Variants in MTOR observed in about 807,000 individuals in gnomAD.
The protein encoded by MTOR is serine/threonine-protein kinase mTOR.
A neutral mutation model predicts 319.8 loss-of-function variants in MTOR; 70 were observed. That is an observed-to-expected ratio of 0.22 (90% CI 0.18 to 0.27). The LOEUF (loss-of-function observed/expected upper bound fraction) is 0.27. MTOR is among the 10% of genes least tolerant of loss of function. The probability of loss-of-function intolerance (pLI) is 1.00; values close to 1 mark genes in which losing one functional copy is unlikely to be tolerated. For synonymous variants in MTOR, 1,183 were observed against 1,211.4 expected (o/e 0.98, Z 0.49); for missense variants, 1,890 against 3,274.4 (o/e 0.58, Z 10.32).
chr1:11,250,537 C>A (rs188585064), intron 6 of MTOR, among the ~76,000 whole-genome samples: 26 of 152,292 alleles, frequency 1.7e-4, no homozygotes, highest in Non-Finnish European at 3.4e-4. Context: ...CCTGGCTGTT[C>A]CTTCCCCATC....
intron 28 of MTOR, among the ~76,000 whole-genome samples, chr1:11,191,147 A>G (rs1245766614): frequency 6.6e-6 from 1 of 152,154 alleles, no homozygotes; most frequent in African/African-American, 2.4e-5. Flanking sequence ...AGGCTTTCTC[A>G]CCATCCTGCA....
intron 6 of MTOR, among the ~76,000 whole-genome samples, chr1:11,252,669 C>T (rs1649849223): frequency 6.6e-6 from 1 of 152,152 alleles, no homozygotes; most frequent in Non-Finnish European, 1.5e-5. Context: ...TGCGCTGCTC[C>T]CACATCTGGG....
chr1:11,204,515 C>T (rs375127428), intron 26 of MTOR, 46 bp downstream of exon 26: 74 of 1,564,236 alleles, frequency 4.7e-5, no homozygotes, highest in Non-Finnish European at 6.2e-5. Flanking sequence ...TTGTATATAT[C>T]GTTTTCTATG....
At position 11,133,293 on chromosome 1, in the gene MTOR, G is replaced by T; in HGVS notation, c.5247-96C>A. ...GTTAGGGGACACTGAAGCCCTTCTG[G>T]TATTTCCTCTTATTCTCAAGAGGCA... On this transcript the variant is annotated intron_variant, in intron 37 of 57. Transcript: ENST00000361445. This position sits in a 1 kb window ranked among gnomAD's most constrained non-coding sequence, Gnocchi z 4.0. 1.8e-6 allele frequency: 2 copies of T among 1,082,818 alleles called. No homozygotes were observed. The highest frequency in any genetic ancestry group is 2.8e-6 in the Non-Finnish European group (2 of 719,334). 67.1% of individuals were successfully genotyped at this position (1,082,818 alleles called of 1,614,324 possible).
intron 3 of MTOR, 125 bp from the exon 4 acceptor site, chr1:11,257,290 C>T: frequency 3.9e-6 from 3 of 766,228 alleles, no homozygotes; most frequent in Non-Finnish European, 6.4e-6. Flanking sequence ...AATCCTAGCA[C>T]TTTGGGAGGC....
rs775363202 is a variant in MTOR at position 11,139,295 on chromosome 1, G to T, written c.5130+9C>A. The T allele has an allele frequency of 1.2e-6, 2 of 1,600,644 alleles. No individual in the cohort carries two copies. The highest frequency in any genetic ancestry group is 1.7e-6 in the Non-Finnish European group (2 of 1,176,650). On this transcript the variant is annotated intron_variant, in intron 36 of 57. Coordinates refer to ENST00000361445, the MANE Select transcript of MTOR (RefSeq NM_004958.4). ...AGGTGGTCTGTTCTGGATGCATTGGGATACAGACCTTGCGGGCACTCTTCC... is the reference window on the plus strand; with the variant it reads ...AGGTGGTCTGTTCTGGATGCATTGGTATACAGACCTTGCGGGCACTCTTCC...
chr1:11,248,062 CTG>C lies in MTOR; in HGVS notation c.871_872del (p.Gln291AlafsTer62). 6.2e-7 allele frequency: 1 copy of C among 1,611,364 alleles called. No homozygotes were observed. Among genetic ancestry groups the C allele is most frequent in the Non-Finnish European group, 8.5e-7 (1 of 1,178,206 alleles). ...AGTACTTGTCGTGTACCAGCTGCTGCTGTGTGATTTCTTCCATTTCTTCTCTC... is the reference window on the plus strand; with the variant it reads ...AGTACTTGTCGTGTACCAGCTGCTGCTGTGATTTCTTCCATTTCTTCTCTC... Reference protein sequence around the residue: ...RLREEMEEITQQQLVHDKYCK... With the variant: ...RLREEMEEITXQQLVHDKYCK... On this transcript the variant is annotated frameshift_variant, in exon 7 of 58. Coordinates refer to ENST00000361445, the MANE Select transcript of MTOR (RefSeq NM_004958.4). LOFTEE classifies it high-confidence loss of function.
rs375346615 is a variant in MTOR, at chr1:11,134,334, G to C, written c.5246+17C>G. The C allele has an allele frequency of 1.2e-4, 188 of 1,610,294 alleles. No homozygotes were observed. The African/African-American group carries it at 1.5e-3, about 13-fold the overall frequency. On this transcript the variant is annotated intron_variant, in intron 37 of 57. Transcript: ENST00000361445. ...AGGGCTGGAATATGACTTGCCCCAG[G>C]TCAGTGGGGACCTCACCGGGCCATG...
At chr1:11,251,088 G>C (rs1035249042) in intron 6 of MTOR, among the ~76,000 whole-genome samples, 4 of 152,124 alleles carry the variant, frequency 2.6e-5, no homozygotes, top group African/African-American at 9.7e-5. Flanking sequence ...TGAAATATGA[G>C]TTAAATGTCA....
intron 25 of MTOR, 82 bp from the exon 26 acceptor site, chr1:11,204,785 C>T: frequency 7.0e-7 from 1 of 1,419,628 alleles, no homozygotes; most frequent in African/African-American, 1.4e-5. Flanking sequence ...AATGATTATT[C>T]TACTTTTAGA....
intron 13 of MTOR, among the ~76,000 whole-genome samples, chr1:11,235,408 C>G (rs1297677450): frequency 1.3e-5 from 2 of 151,954 alleles, no homozygotes; most frequent in African/African-American, 4.8e-5. Flanking sequence ...TGCTCGAGCC[C>G]AAGAGGCAGA....
intron 23 of MTOR, 57 bp from the exon 24 acceptor site, chr1:11,210,963 T>A: frequency 1.8e-6 from 2 of 1,083,452 alleles, no homozygotes; most frequent in Admixed American, 1.8e-5. Flanking sequence ...GGAGAAAAAG[T>A]AGAGGAAAAA....
At chr1:11,230,885 T>A (rs750147129) in intron 18 of MTOR, 40 bp downstream of exon 18, 30 of 1,612,082 alleles carry the variant, frequency 1.9e-5, no homozygotes. Context: ...GCTCTGTGAG[T>A]GAGAACTTGG....
chr1:11,150,653 G>A (rs925080977), intron 30 of MTOR, among the ~76,000 whole-genome samples: 6 of 152,186 alleles, frequency 3.9e-5, no homozygotes, highest in African/African-American at 1.2e-4. Context: ...TATACCAATG[G>A]TTTCAGTCTG....
chr1:11,255,097 A>G (rs1465005566), intron 5 of MTOR, among the ~76,000 whole-genome samples: 1 of 152,172 alleles, frequency 6.6e-6, no homozygotes, highest in Non-Finnish European at 1.5e-5. Context: ...AAGAAGGTAC[A>G]AAGTTGGCCG....
chr1:11,255,947 C>T (rs1284122604), intron 5 of MTOR, 45 bp downstream of exon 5: 7 of 1,577,296 alleles, frequency 4.4e-6, no homozygotes, highest in Middle Eastern at 2.0e-4. Context: ...TGATTCTCTA[C>T]GCAGATGTGC....
rs1360873255 is a variant in MTOR, at chr1:11,212,084, C to T, written c.3561+228G>A. Among the ~76,000 whole-genome samples the T allele has an allele frequency of 1.3e-5, 2 of 152,120 alleles. No homozygotes were observed. The highest frequency in any genetic ancestry group is 2.9e-5 in the Non-Finnish European group (2 of 68,016). On this transcript the variant is annotated intron_variant, in intron 23 of 57. Transcript: ENST00000361445. This position sits in a 1 kb window ranked among gnomAD's most constrained non-coding sequence, Gnocchi z 4.1. ...GCTTTGCTTCATCAGGATGGAAGCT[C>T]TATGAGAGCAAGGACTTTATTCTGT...
chr1:11,177,036 A>T (rs890012623), intron 28 of MTOR, among the ~76,000 whole-genome samples: 2 of 152,146 alleles, frequency 1.3e-5, no homozygotes, highest in African/African-American at 4.8e-5. Context: ...TGCAGACAGG[A>T]GGGGAAGTGA....
intron 34 of MTOR, among the ~76,000 whole-genome samples, chr1:11,140,819 A>T (rs1643661976): frequency 6.6e-6 from 1 of 152,218 alleles, no homozygotes; most frequent in Admixed American, 6.5e-5. Context: ...CTGGTTGAAG[A>T]TGACTATCAC....
Sources: allele counts gnomAD v4.1 joint callset (sites outside exome capture counted in the v4.1 genomes callset), GRCh38; gene constraint gnomAD v4.1.1; non-coding constraint Gnocchi (gnomAD v3.1); transcripts MANE v1.5; gene names NCBI Gene and HGNC (gene_info 2026-07-23, HGNC 2026-07-21).